The following ABCB1 variants were observed in gnomAD, a reference collection of about 807,000 sequenced individuals.
ABCB1 encodes ATP-dependent translocase ABCB1.
In ABCB1, 69 loss-of-function variants were observed where a neutral mutation model predicts 142.0. The observed-to-expected ratio is 0.49, with a 90% CI of 0.40 to 0.59. ABCB1 has a LOEUF of 0.59. ABCB1 is among the 20% of genes least tolerant of loss of function. ABCB1 has a pLI of 0.00. For synonymous variants in ABCB1, 532 were observed against 539.2 expected (o/e 0.99, Z 0.18); for missense variants, 1,326 against 1,554.7 (o/e 0.85, Z 2.47).
chr7:87,549,779 T>A (rs748115653), intron 13 of ABCB1, 72 bp downstream of exon 13: 2 of 1,534,684 alleles, frequency 1.3e-6, no homozygotes, highest in African/African-American at 1.4e-5. Context: ...AGTAGTTTCC[T>A]AACTTCCTGC....
chr7:87,595,950 A>G (rs1225081502), intron 2 of ABCB1, 136 bp from the exon 3 acceptor site: 1 of 689,282 alleles, frequency 1.5e-6, no homozygotes, highest in Non-Finnish European at 2.5e-6. Flanking sequence ...AAAAAACAGG[A>G]TGATAATAGT....
rs549170450 is a variant in ABCB1, at chr7:87,582,906, A to G, written c.286+2606T>C. On this transcript the variant is annotated intron_variant, in intron 4 of 27. Transcript: ENST00000622132. Reference sequence around the variant, plus strand: ...AGCAGGCCAAATTAGCCCAGGGGTCATAGTTGGAGGATACCTACCTTCCCT... The same window carrying G: ...AGCAGGCCAAATTAGCCCAGGGGTCGTAGTTGGAGGATACCTACCTTCCCT... 9.2e-5 allele frequency among the ~76,000 whole-genome samples: 14 copies of G among 152,314 alleles called. 1 individual carries two copies. In the South Asian group the frequency reaches 2.9e-3, roughly 32 times the overall value.
Position 87,520,819 on chromosome 7 carries a change from T to C in ABCB1, c.2743A>G (p.Lys915Glu). 1 of 1,613,984 alleles carries C rather than the reference T, an allele frequency of 6.2e-7. No homozygotes were observed. The highest frequency in any genetic ancestry group is 8.5e-7 in the Non-Finnish European group (1 of 1,179,900). ...CTCTGAGCATACATATGTTCAAACT[T>C]CTGCTCCTGAGTCAAAGAAACAACG... ...RTVVSLTQEQ[K>E]FEHMYAQSLQ... The change falls in exon 22 of 28, where the codon AAG becomes GAG. Residue 915 changes from lysine (K) to glutamate (E), a missense_variant. Lys to Glu is a moderately conservative substitution (Grantham distance 56, BLOSUM62 1). Coordinates refer to ENST00000622132, the MANE Select transcript of ABCB1 (RefSeq NM_001348946.2).
At chr7:87,628,602 T>C (rs1201209900) in intron 1 of ABCB1, 27 of 351,800 alleles carry the variant, frequency 7.7e-5, no homozygotes, top group Non-Finnish European at 1.0e-4. Flanking sequence ...TGTGTGTGTG[T>C]GTGTGTGTGT....
chr7:87,595,723 A>G lies in ABCB1; in HGVS notation c.117+43T>C, dbSNP rs771283623. The G allele has an allele frequency of 1.1e-5, 17 of 1,487,292 alleles. No homozygotes were observed. In the South Asian group the frequency reaches 1.9e-4, roughly 17 times the overall value. 92.1% of individuals were successfully genotyped at this position (1,487,292 alleles called of 1,614,324 possible). ...CTCTTTTCCATGTAAGGAGATGTCAAATTTCCGAAGTATTTTGAATAGTTA... is the reference window on the plus strand; with the variant it reads ...CTCTTTTCCATGTAAGGAGATGTCAGATTTCCGAAGTATTTTGAATAGTTA... On this transcript the variant is annotated intron_variant, in intron 3 of 27. Transcript: ENST00000622132.
chr7:87,694,097 TTTG>T, intron 1 of ABCB1: 1 of 1,481,354 alleles, frequency 6.8e-7, no homozygotes, highest in Non-Finnish European at 8.9e-7. Flanking sequence ...TTTGTGTGTT[TTTG>T]TTTTTTTTTT....
intron 19 of ABCB1, among the ~76,000 whole-genome samples, chr7:87,538,597 T>C (rs1816394534): frequency 6.6e-6 from 1 of 152,150 alleles, no homozygotes; most frequent in African/African-American, 2.4e-5. Context: ...GGAAAGTTAT[T>C]AGGTCACATA....
intron 9 of ABCB1, 75 bp downstream of exon 9, chr7:87,553,686 T>C: frequency 7.4e-6 from 11 of 1,480,546 alleles, no homozygotes; most frequent in South Asian, 3.4e-5. Flanking sequence ...TATATTCTTC[T>C]AAAGTCAAGC....
intron 1 of ABCB1, among the ~76,000 whole-genome samples, chr7:87,626,023 T>C (rs1468149): frequency 1.7e-5 from 2 of 114,512 alleles, no homozygotes; most frequent in Middle Eastern, 4.3e-3. Context: ...TATATATATA[T>C]AGAGAGAGAG....
intron 9 of ABCB1, 123 bp downstream of exon 9, chr7:87,553,638 T>A: frequency 9.4e-7 from 1 of 1,062,808 alleles, no homozygotes. Context: ...TTTAACCTAG[T>A]AGTGCATATG....
Position 87,679,481 on chromosome 7 carries a change from C to A in ABCB1, c.-331+33680G>T, listed in dbSNP as rs964935907. Reference sequence around the variant, plus strand: ...ATGGCTCACCACAGCCTCCACATCCCCAAGCTCAAATGATTCTCCCACCTC... The same window carrying A: ...ATGGCTCACCACAGCCTCCACATCCACAAGCTCAAATGATTCTCCCACCTC... On this transcript the variant is annotated intron_variant, in intron 1 of 28. Transcript: ENST00000265724. 4.0e-5 allele frequency among the ~76,000 whole-genome samples: 6 copies of A among 149,852 alleles called. 1 individual carries two copies. The highest frequency in any genetic ancestry group is 5.9e-5 in the Non-Finnish European group (4 of 67,740).
At chr7:87,646,864 A>G (rs1336792198) in intron 1 of ABCB1, among the ~76,000 whole-genome samples, 1 of 152,172 alleles carries the variant, frequency 6.6e-6, no homozygotes, top group African/African-American at 2.4e-5. Flanking sequence ...TATGCATTAC[A>G]TCTGGCATTT....
At chr7:87,564,019 G>T in intron 7 of ABCB1, 1 of 306,558 alleles carries the variant, frequency 3.3e-6, no homozygotes, top group Non-Finnish European at 6.3e-6. Flanking sequence ...ATTAGAGGGT[G>T]GAGAGTGGGA....
intron 1 of ABCB1, among the ~76,000 whole-genome samples, chr7:87,692,874 G>A (rs1169179416): frequency 6.6e-6 from 1 of 152,176 alleles, no homozygotes; most frequent in Non-Finnish European, 1.5e-5. Context: ...TTTTGGATAT[G>A]TTTTTCCAAA....
chr7:87,701,545 G>C (rs1033165503), intron 1 of ABCB1, among the ~76,000 whole-genome samples: 2 of 152,190 alleles, frequency 1.3e-5, no homozygotes, highest in Non-Finnish European at 1.5e-5. Flanking sequence ...ACAAAATCAT[G>C]TATGGGTAAA....
chr7:87,644,123 T>C (rs10224594), intron 1 of ABCB1, among the ~76,000 whole-genome samples: 7,354 of 152,320 alleles, frequency 0.048, 262 homozygotes, highest in East Asian at 0.089. Flanking sequence ...CCTCCCAAAG[T>C]GTTGGGATTA....
intron 1 of ABCB1, among the ~76,000 whole-genome samples, chr7:87,669,106 A>C (rs1323750778): frequency 6.6e-6 from 1 of 151,770 alleles, no homozygotes; most frequent in Non-Finnish European, 1.5e-5. Context: ...TTTCCATGGG[A>C]GTTTGTGCCT....
intron 7 of ABCB1, chr7:87,565,343 T>G (rs1817743946): frequency 3.1e-6 from 1 of 327,404 alleles, no homozygotes; most frequent in East Asian, 8.3e-5. Flanking sequence ...CTACTGAAAA[T>G]ACACTCATAT....
intron 1 of ABCB1, among the ~76,000 whole-genome samples, chr7:87,664,841 T>C (rs1301424689): frequency 1.3e-5 from 2 of 152,140 alleles, no homozygotes; most frequent in African/African-American, 4.8e-5. Context: ...AGTTCCTAGA[T>C]TTGGGGAAGA....
Sources: gnomAD v4.1 joint callset for allele counts (sites outside exome capture counted in the v4.1 genomes callset) on GRCh38, gnomAD v4.1.1 for gene constraint, MANE v1.5 for transcripts, NCBI Gene and HGNC (gene_info 2026-07-23, HGNC 2026-07-21) for gene names.